The following PTPRT variants were observed in gnomAD, a reference collection of about 807,000 sequenced individuals.
PTPRT encodes the protein protein tyrosine phosphatase receptor type T, also known as receptor-type tyrosine-protein phosphatase T.
A neutral mutation model predicts 176.8 loss-of-function variants in PTPRT; 56 were observed. The observed-to-expected ratio is 0.32, with a 90% confidence interval of 0.26 to 0.40. PTPRT has a LOEUF of 0.40. Ranked by LOEUF, PTPRT falls within the 10% of genes least tolerant of loss-of-function variation. The pLI, the probability that PTPRT is intolerant of heterozygous loss-of-function variation, is 1.00. For synonymous variants in PTPRT, 783 were observed against 739.0 expected (o/e 1.06, Z -0.96); for missense variants, 1,540 against 1,908.2 (o/e 0.81, Z 3.60).
chr20:42,278,492 G>A (rs145649240), intron 13 of PTPRT, among the ~76,000 whole-genome samples: 77 of 151,972 alleles, frequency 5.1e-4, no homozygotes, highest in Admixed American at 9.8e-4. Flanking sequence ...AGACTGGTGG[G>A]GCAAGGCCTG....
intron 2 of PTPRT, among the ~76,000 whole-genome samples, chr20:42,829,101 G>T (rs913853187): frequency 9.9e-5 from 15 of 152,192 alleles, no homozygotes; most frequent in African/African-American, 3.4e-4. Flanking sequence ...GGACCAAGCT[G>T]CCCAAGGCCA....
rs557502935 is a variant in PTPRT at position 42,527,493 on chromosome 20, G to A, written c.1154-54931C>T. Among the ~76,000 whole-genome samples, 6 of 152,110 alleles carry A rather than the reference G, an allele frequency of 3.9e-5. No individual in the cohort carries two copies. In the South Asian group the frequency reaches 1.2e-3, roughly 32 times the overall value. ...ACCCTTAATGTACACACTGCAACCT[G>A]CCACCTTTCCTCATCATTATTTTCC... On this transcript the variant is annotated intron_variant, in intron 7 of 30. Coordinates refer to ENST00000373187, the MANE Select transcript of PTPRT (RefSeq NM_007050.6).
chr20:42,066,654 C>T, the PTPRT span, among the ~76,000 whole-genome samples: 1 of 152,182 alleles, frequency 6.6e-6, no homozygotes, highest in African/African-American at 2.4e-5. Flanking sequence ...AACAACTTAA[C>T]AAAACTTTCT....
chr20:42,763,707 C>A (rs950991731), intron 5 of PTPRT, among the ~76,000 whole-genome samples: 2 of 152,240 alleles, frequency 1.3e-5, no homozygotes, highest in Middle Eastern at 3.4e-3. Flanking sequence ...ACATTTGTAC[C>A]TTTTTGGCAG....
intron 9 of PTPRT, among the ~76,000 whole-genome samples, chr20:42,430,119 T>C (rs538538312): frequency 1.3e-5 from 2 of 152,334 alleles, no homozygotes; most frequent in Admixed American, 6.5e-5. Flanking sequence ...GAGGGAAGTG[T>C]TGGTTTCTCT....
intron 9 of PTPRT, among the ~76,000 whole-genome samples, chr20:42,430,813 C>T (rs2059210172): frequency 6.6e-6 from 1 of 152,190 alleles, no homozygotes; most frequent in Admixed American, 6.5e-5. Context: ...ACACATCAGC[C>T]TGCTCTGAGA....
intron 9 of PTPRT, among the ~76,000 whole-genome samples, chr20:42,429,192 G>C (rs73121659): frequency 0.091 from 13,863 of 152,166 alleles, 650 homozygotes; most frequent in Middle Eastern, 0.14. Flanking sequence ...GAAGGGCTGA[G>C]ACAAAATGCA....
chr20:42,597,956 T>C (rs1320398055), intron 7 of PTPRT, among the ~76,000 whole-genome samples: 1 of 152,200 alleles, frequency 6.6e-6, no homozygotes. Flanking sequence ...GTAATCTCAC[T>C]TGTAGGACTA....
At chr20:42,534,144 G>T (rs1183397067) in intron 7 of PTPRT, among the ~76,000 whole-genome samples, 3 of 152,184 alleles carry the variant, frequency 2.0e-5, no homozygotes, top group African/African-American at 4.8e-5. Flanking sequence ...GACCAGTGAG[G>T]GTGAGGGAAA....
At chr20:42,818,571 GA>G (rs2077833219) in intron 2 of PTPRT, among the ~76,000 whole-genome samples, 1 of 152,154 alleles carries the variant, frequency 6.6e-6, no homozygotes, top group African/African-American at 2.4e-5. Context: ...GGCCTCAGAA[GA>G]TGGGTAATGA....
In PTPRT at chr20:42,191,974, CAAT is replaced by C. The variant is rs571843409; in HGVS notation, c.2491+7263_2491+7265del. On this transcript the variant is annotated intron_variant, in intron 16 of 30. Transcript: ENST00000373187. ...ACTGTCATTATGTACTGATCAACAA[CAAT>C]GAGGGGTGGGGGATTTAGGATGCAG... Among the ~76,000 whole-genome samples, 26 of 151,930 alleles carry C rather than the reference CAAT, an allele frequency of 1.7e-4. 1 individual carries two copies. The South Asian group carries it at 4.6e-3, about 27-fold the overall frequency.
chr20:42,799,024 A>C (rs745554665), intron 2 of PTPRT, among the ~76,000 whole-genome samples: 20 of 152,080 alleles, frequency 1.3e-4, no homozygotes, highest in Non-Finnish European at 2.2e-4. Context: ...TTTCTGAGAA[A>C]AAAAGGAAGG....
intron 1 of PTPRT, among the ~76,000 whole-genome samples, chr20:43,025,828 G>T (rs1985886505): frequency 6.6e-6 from 1 of 152,104 alleles, no homozygotes; most frequent in African/African-American, 2.4e-5. Flanking sequence ...CAGAGCTTCA[G>T]TATTTCATCC....
chr20:42,102,807 G>T (rs1404280168), intron 25 of PTPRT, among the ~76,000 whole-genome samples: 1 of 152,188 alleles, frequency 6.6e-6, no homozygotes, highest in Non-Finnish European at 1.5e-5. Context: ...GACCTCCGAG[G>T]GGCAAACCCT....
intron 13 of PTPRT, among the ~76,000 whole-genome samples, chr20:42,252,339 G>A (rs1258205878): frequency 2.0e-5 from 3 of 152,216 alleles, no homozygotes; most frequent in South Asian, 2.1e-4. Context: ...AGGCAAAAAT[G>A]TGTGAGTCAT....
intron 1 of PTPRT, among the ~76,000 whole-genome samples, chr20:42,920,097 G>T (rs1026346815): frequency 2.0e-5 from 3 of 152,162 alleles, no homozygotes; most frequent in African/African-American, 4.8e-5. Context: ...GAAGCTCTTT[G>T]GCTGTCCCTA....
At chr20:42,599,052 T>C (rs1198543013) in intron 7 of PTPRT, among the ~76,000 whole-genome samples, 1 of 152,134 alleles carries the variant, frequency 6.6e-6, no homozygotes, top group Non-Finnish European at 1.5e-5. Context: ...GGAGACAAGA[T>C]GCCCTGGTTT....
chr20:42,072,063 A>G (rs1982367375), downstream of PTPRT, among the ~76,000 whole-genome samples: 1 of 152,226 alleles, frequency 6.6e-6, no homozygotes, highest in African/African-American at 2.4e-5. Context: ...GTCCAAGGGG[A>G]TGTTGCAGAT....
the PTPRT span, among the ~76,000 whole-genome samples, chr20:42,048,396 A>G: frequency 2.6e-5 from 4 of 152,324 alleles, no homozygotes; most frequent in East Asian, 7.7e-4. Flanking sequence ...TAGGTGACCA[A>G]CAGAGTAGGA....
Sources: allele counts gnomAD v4.1 joint callset (sites outside exome capture counted in the v4.1 genomes callset), GRCh38; gene constraint gnomAD v4.1.1; transcripts MANE v1.5; gene names NCBI Gene and HGNC (gene_info 2026-07-23, HGNC 2026-07-21).